ZMYND8: variants seen among roughly 807,000 people sequenced by gnomAD.
ZMYND8 encodes the protein zinc finger MYND-type containing 8.
Under a neutral mutation model 140.8 loss-of-function variants are expected in ZMYND8, and 37 were observed. That is an observed-to-expected ratio of 0.26 (90% CI 0.20 to 0.35). ZMYND8 has a LOEUF of 0.35. ZMYND8 is among the 10% of genes least tolerant of loss of function. The pLI, the probability that ZMYND8 is intolerant of heterozygous loss-of-function variation, is 1.00. For synonymous variants in ZMYND8, 592 were observed against 597.1 expected, an observed-to-expected ratio of 0.99 and a Z score of 0.12; for missense variants, 1,068 against 1,570.0, an observed-to-expected ratio of 0.68 and a Z score of 5.40.
chr20:47,294,221 G>A (rs539679608), intron 5 of ZMYND8, among the ~76,000 whole-genome samples: 16 of 151,854 alleles, frequency 1.1e-4, no homozygotes, highest in South Asian at 2.1e-4. Flanking sequence ...GTGCGGTGGC[G>A]GGAGCCTGTA....
At chr20:47,355,370 A>C in intron 1 of ZMYND8, 1 of 881,036 alleles carries the variant, frequency 1.1e-6, no homozygotes, top group Non-Finnish European at 1.4e-6. Context: ...TGTAGCCAAG[A>C]CCCACTATTA....
chr20:47,354,677 T>G (rs1444079662), intron 1 of ZMYND8: 2 of 152,230 alleles, frequency 1.3e-5, no homozygotes, highest in East Asian at 3.9e-4. Context: ...GATTACTGAC[T>G]CCATAAAGTT....
chr20:47,334,880 G>A (rs1294555530), intron 2 of ZMYND8, among the ~76,000 whole-genome samples: 1 of 151,866 alleles, frequency 6.6e-6, no homozygotes. Flanking sequence ...AAAGTGCTGG[G>A]ATTACAGGCG....
chr20:47,322,524 T>G (rs1207756633), intron 2 of ZMYND8, among the ~76,000 whole-genome samples: 9 of 144,898 alleles, frequency 6.2e-5, no homozygotes, highest in South Asian at 4.5e-4. Flanking sequence ...CACTGCGACC[T>G]CCGCCTCCTG....
At chr20:47,274,058 C>T (rs2076115288) in intron 11 of ZMYND8, among the ~76,000 whole-genome samples, 1 of 108,686 alleles carries the variant, frequency 9.2e-6, no homozygotes. Flanking sequence ...ACCTAAAAAG[C>T]ACTCAAAGAA....
rs757791728 is a variant in ZMYND8, at chr20:47,276,348, G to A, written c.1446C>T (p.Ser482=). ...TATCCAGGAAGTCCATGGACTCCTC[G>A]CTCGCACTGAAGTGGCTCGACGTGG... ...KKATSSHFSA[S]EESMDFLDKS... The change falls in exon 11 of 23, where the codon AGC becomes AGT. Residue 482 remains serine (S), a synonymous_variant. Transcript: ENST00000471951. 12 of 1,590,382 alleles carry A rather than the reference G, an allele frequency of 7.5e-6. No individual in the cohort carries two copies. Among genetic ancestry groups the A allele is most frequent in the Admixed American group, 6.8e-5 (4 of 59,108 alleles).
At chr20:47,237,108 CG>C (rs2039336586) in intron 15 of ZMYND8, among the ~76,000 whole-genome samples, 1 of 151,666 alleles carries the variant, frequency 6.6e-6, no homozygotes, top group African/African-American at 2.4e-5. Flanking sequence ...TTTACTTTGG[CG>C]TAAGACAATC....
At chr20:47,270,000 T>C (rs1243676025) in intron 11 of ZMYND8, among the ~76,000 whole-genome samples, 1 of 152,132 alleles carries the variant, frequency 6.6e-6, no homozygotes, top group African/African-American at 2.4e-5. Context: ...TCCCAGCATT[T>C]TGGGAGGCTG....
intron 2 of ZMYND8, among the ~76,000 whole-genome samples, chr20:47,346,841 C>T (rs1273156226): frequency 3.3e-5 from 5 of 152,200 alleles, no homozygotes; most frequent in African/African-American, 1.2e-4. Flanking sequence ...CGCCTGACCT[C>T]GTGATGGTCC....
At chr20:47,329,632 A>G (rs1254315809) in intron 2 of ZMYND8, among the ~76,000 whole-genome samples, 3 of 151,922 alleles carry the variant, frequency 2.0e-5, no homozygotes, top group Admixed American at 6.6e-5. Flanking sequence ...TCAAACTCCC[A>G]ACCTCAGGTG....
intron 8 of ZMYND8, 108 bp from the exon 9 acceptor site, chr20:47,283,756 G>A (rs1045415985): frequency 9.1e-7 from 1 of 1,096,310 alleles, no homozygotes; most frequent in African/African-American, 1.6e-5. Context: ...AAGTCCCATA[G>A]AGGGAACACC....
chr20:47,335,293 A>G (rs2081304099), intron 2 of ZMYND8, among the ~76,000 whole-genome samples: 1 of 152,030 alleles, frequency 6.6e-6, no homozygotes, highest in Non-Finnish European at 1.5e-5. Flanking sequence ...TGTGAATTAT[A>G]TGTCAATAAA....
intron 16 of ZMYND8, among the ~76,000 whole-genome samples, chr20:47,235,638 C>T (rs1008689223): frequency 2.7e-5 from 4 of 150,518 alleles, no homozygotes; most frequent in African/African-American, 4.9e-5. Flanking sequence ...ACCCAGGAGG[C>T]GGAGGTTGCA....
intron 21 of ZMYND8, among the ~76,000 whole-genome samples, chr20:47,219,646 G>C (rs2036651820): frequency 6.6e-6 from 1 of 152,038 alleles, no homozygotes; most frequent in Admixed American, 6.6e-5. Context: ...CTTCTGGAAT[G>C]ACCCAAAACT....
In ZMYND8 at chr20:47,347,814, C is replaced by T. The variant is rs375837771; in HGVS notation, c.85+42G>A. On this transcript the variant is annotated intron_variant, in intron 2 of 22. Transcript: ENST00000471951. ...CAACAACAAAAAGAAATTCCAATTTCCTCCTTAGCTCTAGAATAGATAATA... is the reference window on the plus strand; with the variant it reads ...CAACAACAAAAAGAAATTCCAATTTTCTCCTTAGCTCTAGAATAGATAATA... 197 of 1,599,662 alleles carry T rather than the reference C, an allele frequency of 1.2e-4. No homozygotes were observed. The Middle Eastern group carries it at 2.0e-3, about 17-fold the overall frequency.
At chr20:47,276,169 G>C in intron 11 of ZMYND8, 145 bp downstream of exon 11, 1 of 1,176,560 alleles carries the variant, frequency 8.5e-7, no homozygotes, top group Non-Finnish European at 1.1e-6. Context: ...AACTCCACTG[G>C]TGACTTCTTG....
At chr20:47,348,056 G>A (rs1383025924) in intron 1 of ZMYND8, 130 bp from the exon 2 acceptor site, 1 of 847,962 alleles carries the variant, frequency 1.2e-6, no homozygotes, top group Admixed American at 2.0e-5. Context: ...GGCTGGGGGA[G>A]GAAACCCACA....
At position 47,246,267 on chromosome 20, in the gene ZMYND8, G is replaced by A. The variant is rs771468548; in HGVS notation, c.2025C>T (p.Ser675=). ...TGACTGCTCCAGGGTCTGCCTTCTCGCTGGCTGGTGACGTGCTTTTCAGCT... is the reference window on the plus strand; with the variant it reads ...TGACTGCTCCAGGGTCTGCCTTCTCACTGGCTGGTGACGTGCTTTTCAGCT... The part of the protein sequence containing the change: ...KEELKSTSPA[S]EKADPGAVKD... The change falls in exon 14 of 23, where the codon AGC becomes AGT. Residue 675 remains serine (S), a synonymous_variant. Transcript: ENST00000471951. 73 of 1,614,030 alleles carry A rather than the reference G, an allele frequency of 4.5e-5. No homozygotes were observed. The South Asian group carries it at 5.2e-4, about 11-fold the overall frequency.
At chr20:47,238,686 C>CAATG (rs756102195) in intron 15 of ZMYND8, 72 bp downstream of exon 15, 79 of 1,544,066 alleles carry the variant, frequency 5.1e-5, no homozygotes, top group Admixed American at 7.9e-5. Flanking sequence ...AATAAAAGAG[C>CAATG]AATGACTTTC....
Sources: gnomAD v4.1 joint callset for allele counts (sites outside exome capture counted in the v4.1 genomes callset) on GRCh38, gnomAD v4.1.1 for gene constraint, MANE v1.5 for transcripts, NCBI Gene and HGNC (gene_info 2026-07-23, HGNC 2026-07-21) for gene names.